Variants in RUNDC3B observed in about 807,000 individuals in gnomAD.
RUNDC3B encodes RUN domain-containing protein 3B.
In RUNDC3B, 33 loss-of-function variants were observed where a neutral mutation model predicts 58.4. The ratio of observed to expected loss-of-function variants is 0.56; its 90% CI spans 0.43 to 0.75. The LOEUF is 0.75. Among genes scored for constraint, RUNDC3B ranks in the 30% least tolerant of loss-of-function variants. RUNDC3B has a pLI of 0.00. For missense variants in RUNDC3B, 501 were observed against 535.7 expected (o/e 0.94, Z 0.64); for synonymous variants, 193 against 195.2 (o/e 0.99, Z 0.10).
At chr7:87,730,355 C>T (rs887281061) in intron 4 of RUNDC3B, among the ~76,000 whole-genome samples, 6 of 152,006 alleles carry the variant, frequency 3.9e-5, no homozygotes, top group Non-Finnish European at 8.8e-5. Flanking sequence ...AGCCTGCTGA[C>T]CTGAAGAGAG....
At chr7:87,709,869 C>A (rs1829912788) in intron 3 of RUNDC3B, among the ~76,000 whole-genome samples, 1 of 152,078 alleles carries the variant, frequency 6.6e-6, no homozygotes, top group South Asian at 2.1e-4. Flanking sequence ...CTCTTATATT[C>A]TTTAGTTCTA....
chr7:87,816,583 G>A (rs1249112966), intron 10 of RUNDC3B, among the ~76,000 whole-genome samples: 1 of 152,054 alleles, frequency 6.6e-6, no homozygotes, highest in African/African-American at 2.4e-5. Context: ...GCAGAGAACT[G>A]CTAATGTCAG....
In RUNDC3B at chr7:87,628,584, CGTGTGTGTGTGTGTGT is replaced by C. The variant is rs71117546; in HGVS notation, c.-214_-199del. 91 of 290,720 alleles carry C rather than the reference CGTGTGTGTGTGTGTGT, an allele frequency of 3.1e-4. No homozygotes were observed. Among genetic ancestry groups the C allele is most frequent in the Middle Eastern group, 1.9e-3 (2 of 1,068 alleles). The allele number at this position is 290,720 out of a possible 1,614,324, so 18.0% of individuals were successfully genotyped here. On this transcript the variant is annotated 5_prime_UTR_variant, in exon 1 of 11. Coordinates refer to ENST00000394654, the MANE Select transcript of RUNDC3B (RefSeq NM_001134405.2). ...CGAGGGCGGAGGTGGTGCGTGCGTGCGTGTGTGTGTGTGTGTGTGTGTGTGTGTGTGTGTGTGTGTG... is the reference window on the plus strand; with the variant it reads ...CGAGGGCGGAGGTGGTGCGTGCGTGCGTGTGTGTGTGTGTGTGTGTGTGTG...
intron 1 of RUNDC3B, among the ~76,000 whole-genome samples, chr7:87,636,660 C>G (rs1821806147): frequency 6.6e-6 from 1 of 152,072 alleles, no homozygotes; most frequent in African/African-American, 2.4e-5. Flanking sequence ...CTTTTTTCTT[C>G]TAAAGCTTTA....
chr7:87,722,623 C>T (rs1271730148), intron 4 of RUNDC3B, among the ~76,000 whole-genome samples: 3 of 152,098 alleles, frequency 2.0e-5, no homozygotes, highest in Non-Finnish European at 2.9e-5. Context: ...ATTCCTTTGA[C>T]GAGTTGGGGC....
At chr7:87,650,708 T>C (rs1823487123) in intron 1 of RUNDC3B, 114 bp from the exon 2 acceptor site, 1 of 684,160 alleles carries the variant, frequency 1.5e-6, no homozygotes. Context: ...TCAGATGTTA[T>C]ACTCTTGTAA....
At chr7:87,752,421 T>C in intron 6 of RUNDC3B, among the ~76,000 whole-genome samples, 1 of 152,160 alleles carries the variant, frequency 6.6e-6, no homozygotes, top group Non-Finnish European at 1.5e-5. Flanking sequence ...CCTCTTTTTC[T>C]ATTGATTGGA....
chr7:87,797,665 C>T (rs1835888038), intron 8 of RUNDC3B, among the ~76,000 whole-genome samples: 1 of 152,086 alleles, frequency 6.6e-6, no homozygotes, highest in Non-Finnish European at 1.5e-5. Context: ...AGAACTTTCC[C>T]TCGTCAGTTA....
At chr7:87,685,651 A>G (rs1406464258) in intron 2 of RUNDC3B, among the ~76,000 whole-genome samples, 1 of 152,220 alleles carries the variant, frequency 6.6e-6, no homozygotes, top group Non-Finnish European at 1.5e-5. Context: ...CAGAGAACAG[A>G]TAAGTGGTAC....
chr7:87,742,616 A>G (rs1407164806), intron 6 of RUNDC3B, among the ~76,000 whole-genome samples: 2 of 151,246 alleles, frequency 1.3e-5, no homozygotes, highest in Non-Finnish European at 2.9e-5. Context: ...AGATAGATAG[A>G]TAGATATCAT....
chr7:87,728,848 C>A (rs187130384), intron 4 of RUNDC3B, among the ~76,000 whole-genome samples: 2 of 152,156 alleles, frequency 1.3e-5, no homozygotes, highest in Non-Finnish European at 2.9e-5. Flanking sequence ...GTCACCCCCT[C>A]GTGAGATTTT....
At position 87,810,635 on chromosome 7, in the gene RUNDC3B, T is replaced by G. The variant is rs1052084680; in HGVS notation, c.1103+3116T>G. ...ATTTGGTCATATTGTCACCTACTCATGGAAATGGATCCCTCTCATAATTGA... is the reference window on the plus strand; with the variant it reads ...ATTTGGTCATATTGTCACCTACTCAGGGAAATGGATCCCTCTCATAATTGA... On this transcript the variant is annotated intron_variant, in intron 9 of 10. Transcript: ENST00000394654. Among the ~76,000 whole-genome samples the G allele has an allele frequency of 2.0e-5, 3 of 152,346 alleles. No individual in the cohort carries two copies. The South Asian group carries it at 6.2e-4, about 32-fold the overall frequency.
chr7:87,690,628 T>G (rs1827922500), intron 2 of RUNDC3B, among the ~76,000 whole-genome samples: 1 of 152,280 alleles, frequency 6.6e-6, no homozygotes, highest in South Asian at 2.1e-4. Flanking sequence ...ATTACAGTAC[T>G]GTAGCATTTT....
intron 2 of RUNDC3B, among the ~76,000 whole-genome samples, chr7:87,679,278 A>G (rs1047009557): frequency 2.0e-5 from 3 of 149,240 alleles, no homozygotes; most frequent in African/African-American, 7.5e-5. Context: ...TATTTTTAGT[A>G]GAGACGGAGT....
At chr7:87,634,223 A>G (rs1193602305) in intron 1 of RUNDC3B, among the ~76,000 whole-genome samples, 2 of 152,242 alleles carry the variant, frequency 1.3e-5, no homozygotes, top group Admixed American at 6.5e-5. Context: ...ACTTCCTGCT[A>G]GGCCCCACCT....
At chr7:87,667,808 G>A (rs1266298275) in intron 2 of RUNDC3B, among the ~76,000 whole-genome samples, 1 of 152,166 alleles carries the variant, frequency 6.6e-6, no homozygotes, top group East Asian at 1.9e-4. Flanking sequence ...AATATGTTGA[G>A]CCAAACTTGC....
At chr7:87,781,521 T>C (rs529290486) in intron 8 of RUNDC3B, among the ~76,000 whole-genome samples, 7 of 152,150 alleles carry the variant, frequency 4.6e-5, no homozygotes, top group Non-Finnish European at 8.8e-5. Flanking sequence ...TAGTACTATG[T>C]TGAATAGGAG....
rs1838136881 is a variant in RUNDC3B, at chr7:87,831,695, A to C, written c.*1665A>C. 1 of 151,894 alleles carries C rather than the reference A, an allele frequency of 6.6e-6. No individual in the cohort carries two copies. Among genetic ancestry groups the C allele is most frequent in the African/African-American group, 2.4e-5 (1 of 41,430 alleles). The allele number at this position is 151,894 out of a possible 1,614,324, so 9.4% of individuals were successfully genotyped here. On this transcript the variant is annotated 3_prime_UTR_variant, in exon 11 of 11. Transcript: ENST00000394654. ...AGCATGGGGGATGGAAGGTAGGTAT[A>C]ATATGAGGACAATGGAAACTTTGGG...
chr7:87,681,451 C>A (rs914076712), intron 2 of RUNDC3B, among the ~76,000 whole-genome samples: 2 of 150,630 alleles, frequency 1.3e-5, no homozygotes, highest in Non-Finnish European at 2.9e-5. Flanking sequence ...TGCTATAAAG[C>A]AAGTCACAAA....
Sources: gnomAD v4.1 joint callset for allele counts (sites outside exome capture counted in the v4.1 genomes callset) on GRCh38, gnomAD v4.1.1 for gene constraint, MANE v1.5 for transcripts, NCBI Gene and HGNC (gene_info 2026-07-23, HGNC 2026-07-21) for gene names.